STING1: variants seen among roughly 807,000 people sequenced by gnomAD.
STING1 encodes the protein stimulator of interferon genes protein.
In STING1, 19 loss-of-function variants were observed where a neutral mutation model predicts 31.6. That is an observed-to-expected ratio of 0.60 (90% CI 0.42 to 0.88). The LOEUF (loss-of-function observed/expected upper bound fraction) is 0.88, where lower values mean the gene tolerates loss of function less well. Ranked by LOEUF, STING1 falls within the 40% of genes least tolerant of loss-of-function variation. The pLI, the probability that STING1 is intolerant of heterozygous loss-of-function variation, is 0.00. For synonymous variants in STING1, 200 were observed against 208.6 expected (o/e 0.96, Z 0.35); for missense variants, 371 against 483.7 (o/e 0.77, Z 2.19).
chr5:139,480,705 T>C, intron 5 of STING1, 85 bp downstream of exon 5: 1 of 827,584 alleles, frequency 1.2e-6, no homozygotes, highest in Non-Finnish European at 2.0e-6. Flanking sequence ...ATATAGTGAG[T>C]TCTGTGTGTT....
chr5:139,480,984 T>C (rs952799953), intron 4 of STING1, 86 bp from the exon 5 acceptor site: 2 of 1,238,464 alleles, frequency 1.6e-6, no homozygotes, highest in Non-Finnish European at 1.2e-6. Context: ...CCCAACCTGC[T>C]CCTGACTTGA....
chr5:139,475,942 G>C lies in STING1; in HGVS notation c.*319C>G, dbSNP rs1284542477. On this transcript the variant is annotated 3_prime_UTR_variant, in exon 8 of 8. Coordinates refer to ENST00000330794, the MANE Select transcript of STING1 (RefSeq NM_198282.4). ...AGTGGGTCTGGAAGGCCCCATGAAA[G>C]ACACCTGGCACACCCCCTAAGTACA... is the stretch of plus-strand genomic sequence containing the variant. 2.2e-5 allele frequency: 5 copies of C among 222,542 alleles called. No individual in the cohort carries two copies. The highest frequency in any genetic ancestry group is 4.5e-5 in the Non-Finnish European group (5 of 112,066). The allele number at this position is 222,542 out of a possible 1,614,324, so 13.8% of individuals were successfully genotyped here.
In STING1 at chr5:139,481,030, G is replaced by A; in HGVS notation, c.411+129C>T. 5 of 1,201,132 alleles carry A rather than the reference G, an allele frequency of 4.2e-6. No homozygotes were observed. The highest frequency in any genetic ancestry group is 6.1e-6 in the Non-Finnish European group (5 of 820,128). The allele number at this position is 1,201,132 out of a possible 1,614,324, so 74.4% of individuals were successfully genotyped here. A position where few individuals can be genotyped will look rare whatever the true frequency, so the allele number is the denominator to read the frequency against. ...GCCATTGCCAAACCCACTGTTCCAG[G>A]ACATTATAGGTTCTACTCCATGGAC... On this transcript the variant is annotated intron_variant, in intron 4 of 7. Coordinates refer to ENST00000330794, the MANE Select transcript of STING1 (RefSeq NM_198282.4). The surrounding 1 kb of genome is among the most constrained non-coding windows in gnomAD (Gnocchi z 4.1).
chr5:139,480,998 C>T (rs1002440840), intron 4 of STING1, 100 bp from the exon 5 acceptor site: 4 of 1,211,154 alleles, frequency 3.3e-6, no homozygotes, highest in Admixed American at 1.9e-5. Context: ...GACTTGATCC[C>T]TCTTTTGCCA....
chr5:139,482,369 C>T (rs1048778537), intron 1 of STING1, 67 bp from the exon 2 acceptor site: 2 of 152,192 alleles, frequency 1.3e-5, no homozygotes, highest in East Asian at 1.9e-4. Flanking sequence ...TTCTCCAAAC[C>T]GCAGCTTTAC....
Position 139,481,436 on chromosome 5 carries a change from CA to C in STING1, c.227+41del, listed in dbSNP as rs1751844321. 1.9e-6 allele frequency: 3 copies of C among 1,601,872 alleles called. No individual in the cohort carries two copies. The highest frequency in any genetic ancestry group is 2.6e-6 in the Non-Finnish European group (3 of 1,171,878). On this transcript the variant is annotated intron_variant, in intron 3 of 7. Transcript: ENST00000330794. This position sits in a 1 kb window ranked among gnomAD's most constrained non-coding sequence, Gnocchi z 4.1. Reference sequence around the variant, plus strand: ...GCAGGGCTAGGCATCAAGGGAGTGACACACGTTGGATACCCCGTCCCTGGGT... The same window carrying C: ...GCAGGGCTAGGCATCAAGGGAGTGACCACGTTGGATACCCCGTCCCTGGGT...
Position 139,476,050 on chromosome 5 carries a change from C to T in STING1, c.*211G>A, listed in dbSNP as rs1352988456. On this transcript the variant is annotated 3_prime_UTR_variant, in exon 8 of 8. Transcript: ENST00000330794. ...GGGAGGTAAGGCAGTGATTATGATC[C>T]CATTTCACAGGTTGAAGACACCGAG... 25 of 536,158 alleles carry T rather than the reference C, an allele frequency of 4.7e-5. No individual in the cohort carries two copies. Among genetic ancestry groups the T allele is most frequent in the Non-Finnish European group, 6.0e-5 (18 of 299,206 alleles). The allele number at this position is 536,158 out of a possible 1,614,324, so 33.2% of individuals were successfully genotyped here. A position where few individuals can be genotyped will look rare whatever the true frequency, so the allele number is the denominator to read the frequency against.
intron 7 of STING1, among the ~76,000 whole-genome samples, chr5:139,476,994 C>T (rs1405554798): frequency 6.6e-6 from 1 of 152,054 alleles, no homozygotes; most frequent in Non-Finnish European, 1.5e-5. Context: ...AGAAACCTGC[C>T]CGAGGTCACA....
At chr5:139,478,865 C>T (rs1751745028) in intron 5 of STING1, 2 of 253,440 alleles carry the variant, frequency 7.9e-6, no homozygotes, top group South Asian at 6.2e-5. Flanking sequence ...AGTCTCCTAG[C>T]GGAAGCCCTA....
At chr5:139,478,130 G>A (rs1047463509) in intron 6 of STING1, 140 bp downstream of exon 6, 2 of 689,018 alleles carry the variant, frequency 2.9e-6, no homozygotes, top group Non-Finnish European at 5.1e-6. Flanking sequence ...ATTCAGAGCT[G>A]AATCCTGCCC....
At position 139,481,605 on chromosome 5, in the gene STING1, A is replaced by G; in HGVS notation, c.100T>C (p.Trp34Arg). 1.9e-6 allele frequency: 3 copies of G among 1,613,598 alleles called. No individual in the cohort carries two copies. Among genetic ancestry groups the G allele is most frequent in the Non-Finnish European group, 2.5e-6 (3 of 1,179,876 alleles). Reference sequence around the variant, plus strand: ...TGCTCTGGTGGCTCTCCTAGCCCCCAAAGGGTCACCAGGCAGGCACTCAGC... The same window carrying G: ...TGCTCTGGTGGCTCTCCTAGCCCCCGAAGGGTCACCAGGCAGGCACTCAGC... ...VLLSACLVTL[W>R]GLGEPPEHTL... Residue 34 changes from tryptophan (W) to arginine (R), a missense_variant, in exon 3 of 8, where the codon TGG (tryptophan) becomes CGG (arginine). Trp to Arg is a moderately radical substitution (Grantham distance 101). Coordinates refer to ENST00000330794, the MANE Select transcript of STING1 (RefSeq NM_198282.4). The surrounding 1 kb of genome is among the most constrained non-coding windows in gnomAD (Gnocchi z 4.1).
rs1481478083 is a variant in STING1, at chr5:139,481,640, G to C, written c.65C>G (p.Ala22Gly). The change falls in exon 3 of 8, where the codon GCC becomes GGC. Residue 22 changes from alanine (A) to glycine (G), a missense_variant. Ala to Gly is a moderately conservative substitution (Grantham distance 60). Transcript: ENST00000330794. The surrounding 1 kb of genome is among the most constrained non-coding windows in gnomAD (Gnocchi z 4.1). Reference protein sequence around the residue: ...CPRGHGAQKAALVLLSACLVT... With the variant: ...CPRGHGAQKAGLVLLSACLVT... ...CAGGCAGGCACTCAGCAGAACCAAGGCTGCCTTCTGGGCCCCGTGACCCCT... is the reference window on the plus strand; with the variant it reads ...CAGGCAGGCACTCAGCAGAACCAAGCCTGCCTTCTGGGCCCCGTGACCCCT... The C allele has an allele frequency of 1.9e-6, 3 of 1,612,398 alleles. No homozygotes were observed. The highest frequency in any genetic ancestry group is 2.5e-6 in the Non-Finnish European group (3 of 1,179,144).
In STING1 at chr5:139,481,282, C is replaced by T. The variant is rs143115208; in HGVS notation, c.288G>A (p.Gly96=). The T allele has an allele frequency of 2.4e-5, 38 of 1,613,314 alleles. No homozygotes were observed. The highest frequency in any genetic ancestry group is 2.9e-5 in the Non-Finnish European group (34 of 1,179,710). Residue 96 remains glycine, a synonymous_variant, in exon 4 of 8, where the codon GGG becomes GGA. Coordinates refer to ENST00000330794, the MANE Select transcript of STING1 (RefSeq NM_198282.4). The surrounding 1 kb of genome is among the most constrained non-coding windows in gnomAD (Gnocchi z 4.1). ...AATAGATGGACAGCAGCAACAGGGCCCCACGGCGGAGGGGGCAGCCCAGGC... is the reference window on the plus strand; with the variant it reads ...AATAGATGGACAGCAGCAACAGGGCTCCACGGCGGAGGGGGCAGCCCAGGC... ...RACLGCPLRR[G]ALLLLSIYFY...
At chr5:139,479,922 T>A (rs1281201016) in intron 5 of STING1, among the ~76,000 whole-genome samples, 2 of 133,174 alleles carry the variant, frequency 1.5e-5, no homozygotes, top group African/African-American at 5.5e-5. Context: ...CTTGGGAGGC[T>A]GAACCCAGGA....
chr5:139,481,314 GCA>G lies in STING1; in HGVS notation c.254_255del (p.Val85AlafsTer58). The G allele has an allele frequency of 6.2e-7, 1 of 1,604,792 alleles. No homozygotes were observed. The highest frequency in any genetic ancestry group is 8.5e-7 in the Non-Finnish European group (1 of 1,175,374). On this transcript the variant is annotated frameshift_variant, in exon 4 of 8. Transcript: ENST00000330794. LOFTEE classifies it high-confidence loss of function. This position sits in a 1 kb window ranked among gnomAD's most constrained non-coding sequence, Gnocchi z 4.1. ...SRYRGSYWRT[V>X]RACLGCPLRR... is the part of the protein sequence containing the mutation. Reference sequence around the variant, plus strand: ...CGGAGGGGGCAGCCCAGGCAGGCCCGCACAGTCCTCCAGTAGCTGCCCCGGTA... The same window carrying G: ...CGGAGGGGGCAGCCCAGGCAGGCCCGCAGTCCTCCAGTAGCTGCCCCGGTA...
chr5:139,478,753 C>T, intron 5 of STING1: 1 of 488,826 alleles, frequency 2.0e-6, no homozygotes, highest in South Asian at 2.4e-5. Flanking sequence ...CAGCGCCACC[C>T]CTTTCCACCA....
intron 6 of STING1, among the ~76,000 whole-genome samples, chr5:139,477,911 T>C (rs1751711029): frequency 6.6e-6 from 1 of 152,098 alleles, no homozygotes; most frequent in African/African-American, 2.4e-5. Flanking sequence ...TGGGGCAGCT[T>C]TATGGTCAAG....
At chr5:139,479,622 A>T (rs1751775388) in intron 5 of STING1, among the ~76,000 whole-genome samples, 2 of 151,538 alleles carry the variant, frequency 1.3e-5, no homozygotes, top group African/African-American at 4.9e-5. Context: ...GAATCACTGG[A>T]ACCTGGGAAG....
In STING1 at chr5:139,481,883, T is replaced by G; in HGVS notation, c.1-179A>C. 3.4e-6 allele frequency: 2 copies of G among 592,060 alleles called. No individual in the cohort carries two copies. The highest frequency in any genetic ancestry group is 6.0e-6 in the Non-Finnish European group (2 of 334,226). The allele number at this position is 592,060 out of a possible 1,614,324, so 36.7% of individuals were successfully genotyped here. A position where few individuals can be genotyped will look rare whatever the true frequency, so the allele number is the denominator to read the frequency against. On this transcript the variant is annotated intron_variant, in intron 2 of 7. Coordinates refer to ENST00000330794, the MANE Select transcript of STING1 (RefSeq NM_198282.4). The surrounding 1 kb of genome is among the most constrained non-coding windows in gnomAD (Gnocchi z 4.1). ...TGGGAATAAGTCACCCCAAAGCTCC[T>G]GTCTCAGCGAGGTTTGCTGAAAACA...
Sources: allele counts gnomAD v4.1 joint callset (sites outside exome capture counted in the v4.1 genomes callset), GRCh38; gene constraint gnomAD v4.1.1; non-coding constraint Gnocchi (gnomAD v3.1); transcripts MANE v1.5; gene names NCBI Gene and HGNC (gene_info 2026-07-23, HGNC 2026-07-21).